ELP4: variants seen among roughly 807,000 people sequenced by gnomAD.
ELP4 encodes the protein elongator complex protein 4.
Under a neutral mutation model 48.9 loss-of-function variants are expected in ELP4, and 51 were observed. The ratio of observed to expected loss-of-function variants is 1.04; its 90% CI spans 0.83 to 1.32. The LOEUF (loss-of-function observed/expected upper bound fraction) is 1.32, where lower values mean the gene tolerates loss of function less well. Among genes scored for constraint, ELP4 ranks in the 40% most tolerant of loss-of-function variants. The probability of loss-of-function intolerance (pLI) is 0.00; values close to 1 mark genes in which losing one functional copy is unlikely to be tolerated. For synonymous variants in ELP4, 210 were observed against 189.2 expected, an observed-to-expected ratio of 1.11 and a Z score of -0.90; for missense variants, 519 against 514.6, an observed-to-expected ratio of 1.01 and a Z score of -0.08.
intron 3 of ELP4, among the ~76,000 whole-genome samples, chr11:31,564,062 A>G (rs559276427): frequency 2.0e-5 from 3 of 152,328 alleles, no homozygotes; most frequent in South Asian, 2.1e-4. Context: ...AACAAATGGT[A>G]TAGATTATAG....
chr11:31,717,899 A>G (rs1946873701), intron 9 of ELP4, among the ~76,000 whole-genome samples: 1 of 152,128 alleles, frequency 6.6e-6, no homozygotes, highest in Non-Finnish European at 1.5e-5. Flanking sequence ...GGACCTGGGA[A>G]TATATTAGTT....
chr11:31,611,621 C>T lies in ELP4; in HGVS notation c.653+7714C>T, dbSNP rs1338498764. 3.9e-5 allele frequency among the ~76,000 whole-genome samples: 6 copies of T among 152,232 alleles called. 1 individual carries two copies. The South Asian group carries it at 6.2e-4, about 16-fold the overall frequency. ...AAGTAAGTAAACATAATCATATGTC[C>T]GATAATATTTATTGAAAGCTTTTTC... is the stretch of plus-strand genomic sequence containing the variant. On this transcript the variant is annotated intron_variant, in intron 5 of 9. Transcript: ENST00000640961.
At chr11:31,761,815 T>G (rs1304964795) in intron 9 of ELP4, 3 of 152,208 alleles carry the variant, frequency 2.0e-5, no homozygotes, top group Non-Finnish European at 4.4e-5. Flanking sequence ...TGGGGAAGGA[T>G]GATGACCATC....
At chr11:31,783,028 GAA>G (rs1269350129) in intron 9 of ELP4, among the ~76,000 whole-genome samples, 1 of 152,048 alleles carries the variant, frequency 6.6e-6, no homozygotes. Context: ...AAGCCAAAAA[GAA>G]AAAAGACATC....
At position 31,786,105 on chromosome 11, in the gene ELP4, T is replaced by A. The variant is rs549546285; in HGVS notation, c.*2581T>A. ...TAGTAGCCACCATACAATATCTACT[T>A]TTCTCTTCCATTTATTCCTTATGTC... On this transcript the variant is annotated 3_prime_UTR_variant, in exon 10 of 10. Transcript: ENST00000640961. 1.5e-5 allele frequency: 3 copies of A among 202,532 alleles called. No individual in the cohort carries two copies. The highest frequency in any genetic ancestry group is 6.0e-5 in the Admixed American group (1 of 16,736). The allele number at this position is 202,532 out of a possible 1,614,324, so 12.5% of individuals were successfully genotyped here.
intron 3 of ELP4, among the ~76,000 whole-genome samples, chr11:31,567,548 C>G (rs1957132645): frequency 6.6e-6 from 1 of 152,044 alleles, no homozygotes; most frequent in Non-Finnish European, 1.5e-5. Flanking sequence ...TAAAATGCAT[C>G]CTGATTTTAG....
intron 9 of ELP4, among the ~76,000 whole-genome samples, chr11:31,680,132 T>C (rs546013054): frequency 1.2e-4 from 18 of 152,322 alleles, no homozygotes; most frequent in Non-Finnish European, 2.4e-4. Context: ...AATTATCTGA[T>C]GGATCTAAGA....
chr11:31,687,463 A>T (rs1946184630), intron 9 of ELP4, among the ~76,000 whole-genome samples: 1 of 152,222 alleles, frequency 6.6e-6, no homozygotes, highest in Non-Finnish European at 1.5e-5. Context: ...TGACTCATAG[A>T]TAGAGAAGTC....
chr11:31,551,487 C>T (rs1021801238), intron 3 of ELP4, among the ~76,000 whole-genome samples: 2 of 152,106 alleles, frequency 1.3e-5, no homozygotes, highest in Non-Finnish European at 2.9e-5. Context: ...TCTAATGGGG[C>T]TCTTTCTAAA....
intron 3 of ELP4, among the ~76,000 whole-genome samples, chr11:31,565,505 C>A (rs560526741): frequency 8.8e-5 from 13 of 147,464 alleles, no homozygotes; most frequent in South Asian, 6.4e-4. Context: ...TTATGGTTTT[C>A]GGTCTAACAT....
chr11:31,649,894 C>G, intron 8 of ELP4: 1 of 371,940 alleles, frequency 2.7e-6, no homozygotes, highest in Non-Finnish European at 4.8e-6. Context: ...TACCAAAGTG[C>G]AATTAGTTTT....
Position 31,549,136 on chromosome 11 carries a change from G to GT in ELP4, c.381+9353_381+9354insT, listed in dbSNP as rs1337390117. ...GCAACAAAAGCCAAAATTGACAAAT[G>GT]GGATCTAATTAAACTAAAGAGCTTC... is the stretch of plus-strand genomic sequence containing the variant. On this transcript the variant is annotated intron_variant, in intron 3 of 9. Coordinates refer to ENST00000640961, the MANE Select transcript of ELP4 (RefSeq NM_019040.5). 7.9e-5 allele frequency among the ~76,000 whole-genome samples: 12 copies of GT among 151,718 alleles called. 1 individual carries two copies. Among genetic ancestry groups the GT allele is most frequent in the Admixed American group, 6.6e-4 (10 of 15,250 alleles).
chr11:31,691,646 AC>A (rs1278362855), intron 9 of ELP4, among the ~76,000 whole-genome samples: 1 of 152,214 alleles, frequency 6.6e-6, no homozygotes, highest in African/African-American at 2.4e-5. Flanking sequence ...TTTTAACCTT[AC>A]CAAATAGAAT....
chr11:31,642,157 T>A (rs982975158), intron 7 of ELP4, among the ~76,000 whole-genome samples: 1 of 151,992 alleles, frequency 6.6e-6, no homozygotes, highest in African/African-American at 2.4e-5. Flanking sequence ...ATTTTGTTCA[T>A]CCCATTTCTG....
intron 7 of ELP4, 173 bp from the exon 8 acceptor site, chr11:31,647,568 A>T (rs1271033708): frequency 2.0e-6 from 1 of 493,738 alleles, no homozygotes; most frequent in African/African-American, 2.0e-5. Context: ...TTTTCAATTA[A>T]GGGCATATTT....
At chr11:31,621,181 T>C (rs1439807894) in intron 5 of ELP4, among the ~76,000 whole-genome samples, 1 of 152,006 alleles carries the variant, frequency 6.6e-6, no homozygotes, top group African/African-American at 2.4e-5. Flanking sequence ...TTGTCATAGA[T>C]GAATACCTAA....
At chr11:31,651,879 TTC>T (rs1945326770) in intron 9 of ELP4, 1 of 151,760 alleles carries the variant, frequency 6.6e-6, no homozygotes, top group Non-Finnish European at 1.5e-5. Context: ...TGATTTCTCT[TTC>T]TCTGTCTCAT....
intron 9 of ELP4, among the ~76,000 whole-genome samples, chr11:31,670,118 A>G (rs769873223): frequency 1.3e-5 from 2 of 152,118 alleles, no homozygotes; most frequent in African/African-American, 2.4e-5. Flanking sequence ...TTAAAACCCT[A>G]TCAAATAATT....
intron 9 of ELP4, among the ~76,000 whole-genome samples, chr11:31,780,962 C>T (rs1372046589): frequency 6.6e-6 from 1 of 152,172 alleles, no homozygotes; most frequent in Non-Finnish European, 1.5e-5. Context: ...AGATCCCTAC[C>T]CCATAAAGCT....
Sources: allele counts gnomAD v4.1 joint callset (sites outside exome capture counted in the v4.1 genomes callset), GRCh38; gene constraint gnomAD v4.1.1; transcripts MANE v1.5; gene names NCBI Gene and HGNC (gene_info 2026-07-23, HGNC 2026-07-21).